The following RESF1 variants were observed in gnomAD, a reference collection of about 807,000 sequenced individuals.
RESF1 encodes retroelement silencing factor 1.
In RESF1, 65 loss-of-function variants were observed where a neutral mutation model predicts 134.7. The ratio of observed to expected loss-of-function variants is 0.48; its 90% CI spans 0.40 to 0.59. The LOEUF is 0.59. Ranked by LOEUF, RESF1 falls within the 20% of genes least tolerant of loss-of-function variation. The pLI, the probability that RESF1 is intolerant of heterozygous loss-of-function variation, is 0.00. For synonymous variants in RESF1, 762 were observed against 702.2 expected (o/e 1.09, Z -1.35); for missense variants, 2,274 against 2,002.7 (o/e 1.14, Z -2.59).
rs1331521773 is a variant in RESF1 at position 31,985,692 on chromosome 12, A to G, written c.4737A>G (p.Lys1579=). ...QMPPQVKDQK[K]LYLNRVGFKC... Reference sequence around the variant, plus strand: ...CTCCCCAAGTAAAGGATCAAAAGAAATTATATCTGAATAGAGTTGGGTTTA... The same window carrying G: ...CTCCCCAAGTAAAGGATCAAAAGAAGTTATATCTGAATAGAGTTGGGTTTA... The change falls in exon 4 of 6, where the codon AAA becomes AAG. Residue 1579 remains lysine, a synonymous_variant. Transcript: ENST00000312561. 13 of 1,611,422 alleles carry G rather than the reference A, an allele frequency of 8.1e-6. No homozygotes were observed. Among genetic ancestry groups the G allele is most frequent in the Admixed American group, 3.4e-5 (2 of 59,282 alleles).
chr12:31,982,376 A>G lies in RESF1; in HGVS notation c.1421A>G (p.Glu474Gly), dbSNP rs1230397001. The stretch of plus-strand genomic sequence containing the variant: ...GAGAGACAAACACCAACAGTAGTGG[A>G]ATCTGCAGAAACAAATAAGACTCAA... The part of the protein sequence containing the change: ...NAERQTPTVV[E>G]SAETNKTQCM... The change falls in exon 4 of 6, where the codon GAA becomes GGA. Residue 474 changes from glutamate (E) to glycine (G), a missense_variant. Coordinates refer to ENST00000312561, the MANE Select transcript of RESF1 (RefSeq NM_018169.4). 1 of 1,614,142 alleles carries G rather than the reference A, an allele frequency of 6.2e-7. No individual in the cohort carries two copies. Among genetic ancestry groups the G allele is most frequent in the African/African-American group, 1.3e-5 (1 of 75,070 alleles).
At position 31,984,170 on chromosome 12, in the gene RESF1, G is replaced by A. The variant is rs149993652; in HGVS notation, c.3215G>A (p.Arg1072His). The change falls in exon 4 of 6, where the codon CGT (arginine) becomes CAT (histidine). Residue 1072 changes from arginine (R) to histidine (H), a missense_variant. Physicochemically the swap from Arg to His is conservative, Grantham distance 29. Transcript: ENST00000312561. ...TATGGCATTGAGGCTGTGAATACAC[G>A]TGAAGGTTCTGTGGGCCAGCAAACT... ...FPYGIEAVNT[R>H]EGSVGQQTTY... 1.5e-4 allele frequency: 245 copies of A among 1,613,110 alleles called. No homozygotes were observed. The African/African-American group carries it at 2.0e-3, about 13-fold the overall frequency.
In RESF1 at chr12:31,987,267, C is replaced by G. The variant is rs1486347059; in HGVS notation, c.5031C>G (p.Asp1677Glu). 1.3e-6 allele frequency: 2 copies of G among 1,595,724 alleles called. No homozygotes were observed. Among genetic ancestry groups the G allele is most frequent in the Admixed American group, 1.7e-5 (1 of 59,168 alleles). ...QVSGIKSTKE[D>E]WLKFVATKKR... Reference sequence around the variant, plus strand: ...CAGGAATAAAAAGTACAAAAGAAGACTGGTTAAAATTTGTTGCTACAAAGA... The same window carrying G: ...CAGGAATAAAAAGTACAAAAGAAGAGTGGTTAAAATTTGTTGCTACAAAGA... Residue 1677 changes from aspartate to glutamate, a missense_variant, in exon 5 of 6, where the codon GAC becomes GAG. Physicochemically the swap from Asp to Glu is conservative, Grantham distance 45. Coordinates refer to ENST00000312561, the MANE Select transcript of RESF1 (RefSeq NM_018169.4).
Position 31,982,992 on chromosome 12 carries a change from G to A in RESF1, c.2037G>A (p.Leu679=). The A allele has an allele frequency of 6.2e-7, 1 of 1,614,098 alleles. No homozygotes were observed. Among genetic ancestry groups the A allele is most frequent in the Non-Finnish European group, 8.5e-7 (1 of 1,180,006 alleles). Residue 679 remains leucine (L), a synonymous_variant, in exon 4 of 6, where the codon CTG becomes CTA. Transcript: ENST00000312561. The part of the protein sequence containing the change: ...SMEVLATCLS[L]WKKQPSDTAK... The stretch of plus-strand genomic sequence containing the variant: ...AAGTGCTAGCAACCTGTCTTTCCCT[G>A]TGGAAAAAGCAACCTTCAGATACTG...
In RESF1 at chr12:31,984,830, A is replaced by G. The variant is rs140157666; in HGVS notation, c.3875A>G (p.His1292Arg). 6.1e-5 allele frequency: 98 copies of G among 1,603,254 alleles called. No individual in the cohort carries two copies. In the African/African-American group the frequency reaches 1.2e-3, roughly 19 times the overall value. ...GATAAACTAAATCCCTTGCAAAATC[A>G]CAAAAGAAAAAAATTGAGGTTTCAC... is the stretch of plus-strand genomic sequence containing the variant. ...KCDKLNPLQN[H>R]KRKKLRFHEV... is the part of the protein sequence containing the mutation. The change falls in exon 4 of 6, where the codon CAC becomes CGC. Residue 1292 changes from histidine (H) to arginine (R), a missense_variant. His to Arg is a conservative substitution (Grantham distance 29). Transcript: ENST00000312561.
intron 3 of RESF1, among the ~76,000 whole-genome samples, chr12:31,976,547 G>A (rs1939637788): frequency 6.6e-6 from 1 of 152,046 alleles, no homozygotes; most frequent in Non-Finnish European, 1.5e-5. Context: ...GCCTGGCATG[G>A]TGGTGGGACC....
intron 2 of RESF1, among the ~76,000 whole-genome samples, chr12:31,962,010 G>A (rs772727481): frequency 1.3e-5 from 2 of 152,130 alleles, no homozygotes; most frequent in Non-Finnish European, 2.9e-5. Context: ...ATCACTTGAG[G>A]CCAGGAGTTC....
At position 31,984,143 on chromosome 12, in the gene RESF1, C is replaced by T; in HGVS notation, c.3188C>T (p.Pro1063Leu). 6.2e-7 allele frequency: 1 copy of T among 1,612,726 alleles called. No homozygotes were observed. Among genetic ancestry groups the T allele is most frequent in the Non-Finnish European group, 8.5e-7 (1 of 1,179,574 alleles). ...DQLSELLKEF[P>L]YGIEAVNTRE... ...CTGTCAGAACTTCTAAAAGAGTTTC[C>T]TTATGGCATTGAGGCTGTGAATACA... is the stretch of plus-strand genomic sequence containing the variant. Residue 1063 changes from proline (P) to leucine (L), a missense_variant, in exon 4 of 6, where the codon CCT (proline) becomes CTT (leucine). Transcript: ENST00000312561.
intron 3 of RESF1, among the ~76,000 whole-genome samples, chr12:31,975,554 G>A (rs1236167155): frequency 6.6e-6 from 1 of 152,234 alleles, no homozygotes; most frequent in East Asian, 1.9e-4. Flanking sequence ...CAAATGGTAA[G>A]TGTATAATGC....
At chr12:31,966,233 C>T (rs750924788) in intron 2 of RESF1, among the ~76,000 whole-genome samples, 11 of 152,168 alleles carry the variant, frequency 7.2e-5, no homozygotes, top group African/African-American at 1.4e-4. Flanking sequence ...CATTCAAAGC[C>T]GTCTTGGGCT....
chr12:31,965,304 G>A (rs185029906), intron 2 of RESF1, among the ~76,000 whole-genome samples: 132 of 152,264 alleles, frequency 8.7e-4, no homozygotes, highest in African/African-American at 3.1e-3. Context: ...AAGTTGCTGA[G>A]TGGCAGTCAG....
chr12:31,985,768 A>T lies in RESF1; in HGVS notation c.4813A>T (p.Arg1605Trp), dbSNP rs776754202. The change falls in exon 4 of 6, where the codon AGG (arginine) becomes TGG (tryptophan). Residue 1605 changes from arginine (R) to tryptophan (W), a missense_variant. Physicochemically the swap from Arg to Trp is moderately radical, Grantham distance 101 (BLOSUM62 -3). Transcript: ENST00000312561. ...ISLTKLESSP[R>W]KLHKDKRQEN... is the part of the protein sequence containing the mutation. The stretch of plus-strand genomic sequence containing the variant: ...TCTCACCAAATTAGAAAGTTCACCC[A>T]GGAAGCTTCATAAAGATAAGAGACA... 5.1e-6 allele frequency: 8 copies of T among 1,573,638 alleles called. No individual in the cohort carries two copies. The highest frequency in any genetic ancestry group is 1.2e-5 in the South Asian group (1 of 83,862).
At position 31,981,145 on chromosome 12, in the gene RESF1, C is replaced by T; in HGVS notation, c.190C>T (p.Leu64=). Residue 64 remains leucine, a synonymous_variant, in exon 4 of 6, where the codon CTG becomes TTG. Coordinates refer to ENST00000312561, the MANE Select transcript of RESF1 (RefSeq NM_018169.4). The part of the protein sequence containing the change: ...GNSNPISQPL[L]NIQNYPQQIS... The stretch of plus-strand genomic sequence containing the variant: ...TTCAAATCCAATTTCACAGCCACTG[C>T]TGAATATCCAAAATTATCCTCAACA... 6.2e-7 allele frequency: 1 copy of T among 1,614,122 alleles called. No homozygotes were observed. Among genetic ancestry groups the T allele is most frequent in the East Asian group, 2.2e-5 (1 of 44,880 alleles).
At chr12:31,978,313 C>T (rs987162567) in intron 3 of RESF1, among the ~76,000 whole-genome samples, 1 of 151,960 alleles carries the variant, frequency 6.6e-6, no homozygotes, top group Non-Finnish European at 1.5e-5. Flanking sequence ...AAAAAGATCT[C>T]TACATAGTTT....
intron 1 of RESF1, among the ~76,000 whole-genome samples, chr12:31,960,121 T>C (rs750127312): frequency 6.6e-6 from 1 of 152,184 alleles, no homozygotes; most frequent in Non-Finnish European, 1.5e-5. Flanking sequence ...AATAGTTCCT[T>C]GAGGCATTTT....
chr12:31,983,366 T>G lies in RESF1; in HGVS notation c.2411T>G (p.Leu804Trp). The G allele has an allele frequency of 3.1e-6, 5 of 1,614,054 alleles. No homozygotes were observed. Among genetic ancestry groups the G allele is most frequent in the Non-Finnish European group, 4.2e-6 (5 of 1,180,032 alleles). The change falls in exon 4 of 6, where the codon TTG becomes TGG. Residue 804 changes from leucine to tryptophan, a missense_variant. Coordinates refer to ENST00000312561, the MANE Select transcript of RESF1 (RefSeq NM_018169.4). ...AGTGTTTGTAGTTTACAAAATCAAT[T>G]GGCAGAAAATGCAAAGGCAACTGCT... ...EGSVCSLQNQ[L>W]AENAKATAAL...
At chr12:31,964,318 C>G (rs1463782322) in intron 2 of RESF1, among the ~76,000 whole-genome samples, 1 of 151,802 alleles carries the variant, frequency 6.6e-6, no homozygotes, top group South Asian at 2.1e-4. Flanking sequence ...CTTATAGGCC[C>G]CAGTGTGTTG....
Position 31,966,889 on chromosome 12 carries a change from A to G in RESF1, c.-246-3300A>G, listed in dbSNP as rs544101700. Among the ~76,000 whole-genome samples the G allele has an allele frequency of 2.0e-5, 3 of 152,304 alleles. No homozygotes were observed. In the East Asian group the frequency reaches 5.8e-4, roughly 29 times the overall value. Reference sequence around the variant, plus strand: ...GATGGGAAGGCAGAGTTGTAGGTGAACAGCTTCACCGTGGTGCCCTGATGA... The same window carrying G: ...GATGGGAAGGCAGAGTTGTAGGTGAGCAGCTTCACCGTGGTGCCCTGATGA... On this transcript the variant is annotated intron_variant, in intron 2 of 5. Coordinates refer to ENST00000312561, the MANE Select transcript of RESF1 (RefSeq NM_018169.4).
intron 2 of RESF1, among the ~76,000 whole-genome samples, chr12:31,968,084 C>T (rs1939437721): frequency 6.6e-6 from 1 of 152,130 alleles, no homozygotes; most frequent in Admixed American, 6.5e-5. Flanking sequence ...TGTTAACTTT[C>T]TACAGGTATC....
Sources: gnomAD v4.1 joint callset for allele counts (sites outside exome capture counted in the v4.1 genomes callset) on GRCh38, gnomAD v4.1.1 for gene constraint, MANE v1.5 for transcripts, NCBI Gene and HGNC (gene_info 2026-07-23, HGNC 2026-07-21) for gene names.